The following LRRTM4 variants were observed in gnomAD, a reference collection of about 807,000 sequenced individuals.
The protein encoded by LRRTM4 is leucine-rich repeat transmembrane neuronal protein 4.
A neutral mutation model predicts 47.6 loss-of-function variants in LRRTM4; 25 were observed. The observed-to-expected ratio is 0.53, with a 90% CI of 0.38 to 0.73. LRRTM4 has a LOEUF of 0.73. LRRTM4 is among the 30% of genes least tolerant of loss of function. The pLI is 0.00. For synonymous variants in LRRTM4, 311 were observed against 269.5 expected, an observed-to-expected ratio of 1.15 and a Z score of -1.51; for missense variants, 638 against 713.4, an observed-to-expected ratio of 0.89 and a Z score of 1.20.
chr2:77,470,383 C>T (rs1219393192), intron 3 of LRRTM4, among the ~76,000 whole-genome samples: 2 of 152,036 alleles, frequency 1.3e-5, no homozygotes, highest in Admixed American at 6.6e-5. Flanking sequence ...AAAACAGAGA[C>T]CAAATAACAC....
At chr2:77,313,118 G>C (rs761697999) in intron 3 of LRRTM4, among the ~76,000 whole-genome samples, 2 of 152,136 alleles carry the variant, frequency 1.3e-5, no homozygotes, top group Non-Finnish European at 2.9e-5. Context: ...CTGGGACCTC[G>C]TGCTGGGATG....
At chr2:77,129,386 C>T (rs898075230) in intron 3 of LRRTM4, among the ~76,000 whole-genome samples, 11 of 152,158 alleles carry the variant, frequency 7.2e-5, no homozygotes, top group South Asian at 2.1e-4. Flanking sequence ...AGTCTTCCTC[C>T]AAAAAGTTCT....
chr2:77,374,821 A>G lies in LRRTM4; in HGVS notation c.1551+143497T>C, dbSNP rs527560194. On this transcript the variant is annotated intron_variant, in intron 3 of 3. Coordinates refer to ENST00000409884, the MANE Select transcript of LRRTM4 (RefSeq NM_001134745.3). Reference sequence around the variant, plus strand: ...TCATTGCCATAAATTTTAAGTTCCAAAAGTCATCTTAAAGTGAAAAACTCT... The same window carrying G: ...TCATTGCCATAAATTTTAAGTTCCAGAAGTCATCTTAAAGTGAAAAACTCT... Among the ~76,000 whole-genome samples, 5 of 151,888 alleles carry G rather than the reference A, an allele frequency of 3.3e-5. No individual in the cohort carries two copies. In the South Asian group the frequency reaches 1.0e-3, roughly 31 times the overall value.
At chr2:76,985,093 T>C (rs1676747340) in intron 3 of LRRTM4, among the ~76,000 whole-genome samples, 1 of 152,000 alleles carries the variant, frequency 6.6e-6, no homozygotes, top group African/African-American at 2.4e-5. Context: ...TTCAAGCAGT[T>C]TCTCTTATAC....
intron 3 of LRRTM4, among the ~76,000 whole-genome samples, chr2:76,773,208 C>T (rs1322265059): frequency 6.6e-6 from 1 of 152,162 alleles, no homozygotes; most frequent in Non-Finnish European, 1.5e-5. Context: ...ATGATAGGAG[C>T]CTAATTTCCA....
At chr2:77,484,938 T>G (rs1271186040) in intron 3 of LRRTM4, among the ~76,000 whole-genome samples, 1 of 152,136 alleles carries the variant, frequency 6.6e-6, no homozygotes, top group African/African-American at 2.4e-5. Flanking sequence ...CCAAGGAGTA[T>G]CTAGGTGTTG....
intron 3 of LRRTM4, among the ~76,000 whole-genome samples, chr2:77,169,585 T>C (rs373974890): frequency 6.6e-6 from 1 of 152,134 alleles, no homozygotes; most frequent in Non-Finnish European, 1.5e-5. Context: ...GGGTTAATTA[T>C]TGTGGAAGTG....
intron 3 of LRRTM4, among the ~76,000 whole-genome samples, chr2:76,790,132 A>G (rs1212492335): frequency 6.6e-6 from 1 of 152,184 alleles, no homozygotes; most frequent in Admixed American, 6.6e-5. Context: ...TAGAATTACC[A>G]AAGCAGTTTT....
chr2:76,901,110 G>A (rs762399443), intron 3 of LRRTM4, among the ~76,000 whole-genome samples: 2 of 151,954 alleles, frequency 1.3e-5, no homozygotes, highest in South Asian at 2.1e-4. Flanking sequence ...ATTGGTAAAC[G>A]TATACCATGG....
chr2:76,787,295 C>T (rs975265223), intron 3 of LRRTM4, among the ~76,000 whole-genome samples: 1 of 152,070 alleles, frequency 6.6e-6, no homozygotes, highest in African/African-American at 2.4e-5. Context: ...TTTGGATTTG[C>T]ATTATAAATA....
chr2:77,414,815 C>T (rs1024889342), intron 3 of LRRTM4, among the ~76,000 whole-genome samples: 1 of 150,718 alleles, frequency 6.6e-6, no homozygotes, highest in South Asian at 2.1e-4. Context: ...TTCCCTCGCA[C>T]ACAATAGCAC....
intron 3 of LRRTM4, among the ~76,000 whole-genome samples, chr2:77,152,896 G>C (rs1195191623): frequency 2.6e-5 from 4 of 152,058 alleles, no homozygotes; most frequent in Non-Finnish European, 5.9e-5. Flanking sequence ...AATCAAGCTA[G>C]TTAACATATC....
intron 3 of LRRTM4, among the ~76,000 whole-genome samples, chr2:77,429,051 A>G (rs1191119844): frequency 2.0e-5 from 3 of 152,194 alleles, no homozygotes; most frequent in African/African-American, 7.2e-5. Flanking sequence ...AGATTTTTAT[A>G]AATAACCTAA....
intron 3 of LRRTM4, among the ~76,000 whole-genome samples, chr2:76,919,466 G>T (rs1674365731): frequency 6.6e-6 from 1 of 152,120 alleles, no homozygotes; most frequent in African/African-American, 2.4e-5. Context: ...ACTTTCTTGA[G>T]AATGTGTGAG....
At chr2:77,056,671 G>T (rs1226350106) in intron 3 of LRRTM4, among the ~76,000 whole-genome samples, 1 of 152,156 alleles carries the variant, frequency 6.6e-6, no homozygotes, top group Admixed American at 6.6e-5. Context: ...AGATTATTGT[G>T]TATCAGTAAG....
At chr2:76,779,773 T>C (rs1315543443) in intron 3 of LRRTM4, among the ~76,000 whole-genome samples, 2 of 152,230 alleles carry the variant, frequency 1.3e-5, no homozygotes, top group Non-Finnish European at 2.9e-5. Context: ...TTAAAGATAA[T>C]ATTGTTTTGT....
intron 3 of LRRTM4, among the ~76,000 whole-genome samples, chr2:76,795,842 T>C (rs1002798646): frequency 3.3e-5 from 5 of 152,016 alleles, no homozygotes; most frequent in Non-Finnish European, 7.4e-5. Flanking sequence ...ACAGCTCCTG[T>C]CTACAGCTCC....
chr2:77,159,512 A>G (rs1672651495), intron 3 of LRRTM4, among the ~76,000 whole-genome samples: 1 of 150,594 alleles, frequency 6.6e-6, no homozygotes, highest in African/African-American at 2.5e-5. Flanking sequence ...CCTAGGACTT[A>G]AAGTATAATG....
chr2:76,805,406 T>G (rs1459513324), intron 3 of LRRTM4, among the ~76,000 whole-genome samples: 1 of 152,160 alleles, frequency 6.6e-6, no homozygotes, highest in Non-Finnish European at 1.5e-5. Context: ...TCATTTTATA[T>G]AAAGGTGACA....
Sources: gnomAD v4.1 joint callset for allele counts (sites outside exome capture counted in the v4.1 genomes callset) on GRCh38, gnomAD v4.1.1 for gene constraint, MANE v1.5 for transcripts, NCBI Gene and HGNC (gene_info 2026-07-23, HGNC 2026-07-21) for gene names.